Variants in CNTNAP2 observed in about 807,000 individuals in gnomAD.
The protein encoded by CNTNAP2 is contactin associated protein 2, also known as contactin-associated protein-like 2.
CNTNAP2 carries 98 observed loss-of-function variants against 155.2 expected under a neutral mutation model. The observed-to-expected ratio is 0.63, with a 90% CI of 0.54 to 0.75. CNTNAP2 has a LOEUF of 0.75. CNTNAP2 is among the 30% of genes least tolerant of loss of function. The pLI, the probability that CNTNAP2 is intolerant of heterozygous loss-of-function variation, is 0.00. For missense variants in CNTNAP2, 1,727 were observed against 1,688.1 expected (o/e 1.02, Z -0.40); for synonymous variants, 651 against 631.2 (o/e 1.03, Z -0.47).
At chr7:146,669,469 A>T (rs549898234) in intron 1 of CNTNAP2, among the ~76,000 whole-genome samples, 104 of 152,334 alleles carry the variant, frequency 6.8e-4, no homozygotes, top group African/African-American at 2.5e-3. Context: ...TTGTTATAAC[A>T]TCAATTGCGT....
At chr7:148,305,222 C>A (rs1379592460) in intron 21 of CNTNAP2, among the ~76,000 whole-genome samples, 2 of 51,944 alleles carry the variant, frequency 3.9e-5, no homozygotes, top group Non-Finnish European at 7.5e-5. Context: ...GGCCCTGTCT[C>A]AAAAAAAAAA....
intron 20 of CNTNAP2, among the ~76,000 whole-genome samples, chr7:148,262,550 C>T (rs1271828054): frequency 6.6e-6 from 1 of 152,082 alleles, no homozygotes; most frequent in Non-Finnish European, 1.5e-5. Flanking sequence ...GAGTCTCCTG[C>T]GTTCCTTGGG....
chr7:147,632,408 A>G (rs1257316013), intron 12 of CNTNAP2, among the ~76,000 whole-genome samples: 2 of 152,022 alleles, frequency 1.3e-5, no homozygotes, highest in African/African-American at 4.8e-5. Context: ...TGGTTTCCCT[A>G]ATCCTGTTGT....
intron 1 of CNTNAP2, among the ~76,000 whole-genome samples, chr7:146,457,410 G>C (rs1160446171): frequency 1.4e-5 from 2 of 141,884 alleles, no homozygotes; most frequent in African/African-American, 2.7e-5. Flanking sequence ...TTCAAAAAAT[G>C]ATTATATATT....
chr7:147,984,634 G>C (rs535178202), intron 15 of CNTNAP2, among the ~76,000 whole-genome samples: 1 of 152,112 alleles, frequency 6.6e-6, no homozygotes, highest in Non-Finnish European at 1.5e-5. Flanking sequence ...CTATTGCCCT[G>C]TGAAGGGTCA....
intron 15 of CNTNAP2, among the ~76,000 whole-genome samples, chr7:148,095,186 C>T (rs1415017788): frequency 6.6e-6 from 1 of 152,156 alleles, no homozygotes; most frequent in Non-Finnish European, 1.5e-5. Flanking sequence ...ACAGAAACGC[C>T]AGTTTGCCTC....
chr7:147,095,877 T>G (rs1800520563), intron 4 of CNTNAP2, among the ~76,000 whole-genome samples: 2 of 152,192 alleles, frequency 1.3e-5, no homozygotes, highest in African/African-American at 4.8e-5. Flanking sequence ...AAGCCCACCC[T>G]TCCCTTTAGC....
chr7:146,337,107 C>G (rs1801289760), intron 1 of CNTNAP2, among the ~76,000 whole-genome samples: 1 of 152,128 alleles, frequency 6.6e-6, no homozygotes, highest in African/African-American at 2.4e-5. Context: ...GAATTCATGG[C>G]AGAAACTTGA....
At chr7:146,984,950 T>A (rs1798089614) in intron 3 of CNTNAP2, among the ~76,000 whole-genome samples, 1 of 152,238 alleles carries the variant, frequency 6.6e-6, no homozygotes. Flanking sequence ...TGAATTCATG[T>A]GTTTCAGCAT....
intron 1 of CNTNAP2, among the ~76,000 whole-genome samples, chr7:146,300,173 G>A (rs1385856753): frequency 6.6e-6 from 1 of 151,984 alleles, no homozygotes; most frequent in Non-Finnish European, 1.5e-5. Flanking sequence ...AAGTCTATAA[G>A]AACAAAGAAT....
chr7:146,444,429 A>T (rs1247903125), intron 1 of CNTNAP2, among the ~76,000 whole-genome samples: 1 of 152,194 alleles, frequency 6.6e-6, no homozygotes, highest in Non-Finnish European at 1.5e-5. Context: ...TAATACATAG[A>T]TACAGGTGGA....
At chr7:147,977,559 G>C (rs1273594889) in intron 14 of CNTNAP2, among the ~76,000 whole-genome samples, 1 of 152,156 alleles carries the variant, frequency 6.6e-6, no homozygotes, top group African/African-American at 2.4e-5. Context: ...TGTGTGCTCA[G>C]GGTTTGACAT....
chr7:147,303,860 C>G (rs1198248812), intron 9 of CNTNAP2, among the ~76,000 whole-genome samples: 1 of 152,184 alleles, frequency 6.6e-6, no homozygotes, highest in African/African-American at 2.4e-5. Flanking sequence ...CTGGAGACTT[C>G]AGACCATTAT....
rs71165013 is a variant in CNTNAP2, at chr7:146,548,798, GT to G, written c.98-225457del. Among the ~76,000 whole-genome samples the G allele has an allele frequency of 5.7e-3, 706 of 123,710 alleles. 5 individuals carry two copies. Among genetic ancestry groups the G allele is most frequent in the African/African-American group, 0.018 (597 of 32,978 alleles). 81.2% of individuals were successfully genotyped at this position (123,710 alleles called of 152,430 possible). A position where few individuals can be genotyped will look rare whatever the true frequency, so the allele number is the denominator to read the frequency against. ...TTGGAAATATTTTCCCATTCTCTAG[GT>G]TTTTTTTTTTTTTTTCGTTTTGTTA... On this transcript the variant is annotated intron_variant, in intron 1 of 23. Transcript: ENST00000361727.
chr7:147,816,335 G>T (rs1037065718), intron 13 of CNTNAP2, among the ~76,000 whole-genome samples: 2 of 152,120 alleles, frequency 1.3e-5, no homozygotes, highest in South Asian at 2.1e-4. Context: ...TTACCAAGGT[G>T]AACGGAAAGG....
intron 1 of CNTNAP2, among the ~76,000 whole-genome samples, chr7:146,453,887 T>G (rs1230265856): frequency 6.6e-6 from 1 of 151,822 alleles, no homozygotes; most frequent in Non-Finnish European, 1.5e-5. Context: ...TGACAAAAAA[T>G]TAACAGAGCA....
chr7:147,114,329 C>G (rs1367718960), intron 5 of CNTNAP2, among the ~76,000 whole-genome samples: 1 of 152,096 alleles, frequency 6.6e-6, no homozygotes, highest in African/African-American at 2.4e-5. Context: ...ATCAGGTCTA[C>G]TTGATCCAAA....
intron 1 of CNTNAP2, among the ~76,000 whole-genome samples, chr7:146,136,570 G>T (rs1797800852): frequency 6.6e-6 from 1 of 152,130 alleles, no homozygotes; most frequent in African/African-American, 2.4e-5. Flanking sequence ...GGCACCAGGG[G>T]TGGTAGAGAG....
chr7:148,327,725 G>A (rs12704010), intron 21 of CNTNAP2, among the ~76,000 whole-genome samples: 87,869 of 151,984 alleles, frequency 0.58, 26,051 homozygotes, highest in Non-Finnish European at 0.66. Context: ...CCTAACTTGG[G>A]TAGAATATTT....
Sources: gnomAD v4.1 joint callset for allele counts (sites outside exome capture counted in the v4.1 genomes callset) on GRCh38, gnomAD v4.1.1 for gene constraint, MANE v1.5 for transcripts, NCBI Gene and HGNC (gene_info 2026-07-23, HGNC 2026-07-21) for gene names.